The following ANKRD28 variants were observed in gnomAD, a reference collection of about 807,000 sequenced individuals.
The protein encoded by ANKRD28 is serine/threonine-protein phosphatase 6 regulatory ankyrin repeat subunit A.
A neutral mutation model predicts 126.5 loss-of-function variants in ANKRD28; 44 were observed. The ratio of observed to expected loss-of-function variants is 0.35; its 90% CI spans 0.27 to 0.45. The LOEUF (loss-of-function observed/expected upper bound fraction) is 0.45, where lower values mean the gene tolerates loss of function less well. Among genes scored for constraint, ANKRD28 ranks in the 20% least tolerant of loss-of-function variants. The pLI is 1.00. For synonymous variants in ANKRD28, 442 were observed against 468.5 expected (o/e 0.94, Z 0.73); for missense variants, 1,110 against 1,316.6 (o/e 0.84, Z 2.43).
Position 15,804,741 on chromosome 3 carries a change from G to C in ANKRD28, c.28-9435C>G, listed in dbSNP as rs193000688. 4.6e-4 allele frequency among the ~76,000 whole-genome samples: 67 copies of C among 145,308 alleles called. 9 individuals carry two copies. Among genetic ancestry groups the C allele is most frequent in the African/African-American group, 1.7e-3 (67 of 38,944 alleles). ...CCAAGTACAGATGACTGCTGGTGTG[G>C]AGGTTGTTAAATAGTTAAGTATGTT... On this transcript the variant is annotated intron_variant, in intron 1 of 27. Transcript: ENST00000399451.
chr3:15,777,823 G>T (rs2059354097), intron 2 of ANKRD28, among the ~76,000 whole-genome samples: 1 of 143,216 alleles, frequency 7.0e-6, no homozygotes. Context: ...CTGGACAGTT[G>T]ACTGCTCCCA....
intron 8 of ANKRD28, among the ~76,000 whole-genome samples, chr3:15,720,322 T>G (rs2073574845): frequency 6.6e-6 from 1 of 152,214 alleles, no homozygotes; most frequent in Non-Finnish European, 1.5e-5. Flanking sequence ...AACATCCATA[T>G]ACATACCATC....
At chr3:15,826,126 T>C (rs992211898) in intron 1 of ANKRD28, among the ~76,000 whole-genome samples, 2 of 152,206 alleles carry the variant, frequency 1.3e-5, no homozygotes, top group African/African-American at 4.8e-5. Flanking sequence ...ATACACATTA[T>C]ACTAGAATTT....
intron 2 of ANKRD28, among the ~76,000 whole-genome samples, chr3:15,769,098 C>T (rs6442551): frequency 0.72 from 110,194 of 152,070 alleles, 40,163 homozygotes; most frequent in East Asian, 0.93. Context: ...TTTAGTCAAA[C>T]TGAGAAACAT....
intron 4 of ANKRD28, among the ~76,000 whole-genome samples, chr3:15,749,432 G>A (rs1266300282): frequency 1.3e-5 from 2 of 152,236 alleles, no homozygotes; most frequent in African/African-American, 4.8e-5. Flanking sequence ...ATTTAAGTTG[G>A]ACTTCACTTT....
rs1402841081 is a variant in ANKRD28, at chr3:15,668,565, T to C, written c.*1705A>G. The C allele has an allele frequency of 6.6e-6, 1 of 152,552 alleles. No homozygotes were observed. The highest frequency in any genetic ancestry group is 1.5e-5 in the Non-Finnish European group (1 of 68,008). The allele number at this position is 152,552 out of a possible 1,614,324, so 9.4% of individuals were successfully genotyped here. A position where few individuals can be genotyped will look rare whatever the true frequency, so the allele number is the denominator to read the frequency against. On this transcript the variant is annotated 3_prime_UTR_variant, in exon 28 of 28. Transcript: ENST00000683139. ...GTCAATGCCCTAGAAACTTTATAGA[T>C]TTGTAGATAATATGCACAGATACAA...
intron 1 of ANKRD28, among the ~76,000 whole-genome samples, chr3:15,806,765 G>A (rs952236955): frequency 3.3e-5 from 5 of 151,980 alleles, no homozygotes; most frequent in Non-Finnish European, 7.4e-5. Flanking sequence ...CAGGTGATTC[G>A]CCCACCTCGG....
chr3:15,743,250 C>A (rs1030339657), intron 4 of ANKRD28, among the ~76,000 whole-genome samples: 1 of 152,108 alleles, frequency 6.6e-6, no homozygotes, highest in Non-Finnish European at 1.5e-5. Context: ...CCTAGGAAAA[C>A]CAGAGACCTT....
At chr3:15,774,465 G>A (rs928625587) in intron 2 of ANKRD28, among the ~76,000 whole-genome samples, 1 of 151,944 alleles carries the variant, frequency 6.6e-6, no homozygotes, top group African/African-American at 2.4e-5. Flanking sequence ...GGGACAATGT[G>A]GTACCTATTT....
At chr3:15,695,546 T>A (rs2069412840) in intron 15 of ANKRD28, among the ~76,000 whole-genome samples, 1 of 152,154 alleles carries the variant, frequency 6.6e-6, no homozygotes, top group Non-Finnish European at 1.5e-5. Flanking sequence ...AAGCAAAGTT[T>A]AATGTAATTT....
At chr3:15,798,215 C>A, upstream of ANKRD28, 1 of 966,704 alleles carries the variant, frequency 1.0e-6, no homozygotes, top group Non-Finnish European at 1.2e-6. Flanking sequence ...TTCCAAACGG[C>A]TTAACTGCTT....
At chr3:15,732,551 T>C (rs927017975) in intron 6 of ANKRD28, 3 of 152,248 alleles carry the variant, frequency 2.0e-5, no homozygotes, top group African/African-American at 2.4e-5. Context: ...GGAGAACATA[T>C]GGTATTGGTC....
chr3:15,779,779 C>T (rs564138430), intron 2 of ANKRD28, among the ~76,000 whole-genome samples: 198 of 152,284 alleles, frequency 1.3e-3, no homozygotes, highest in African/African-American at 4.5e-3. Context: ...AATCTAGACA[C>T]TGCTCTATAA....
In ANKRD28 at chr3:15,797,422, T is replaced by A; in HGVS notation, c.-901A>T. On this transcript the variant is annotated 5_prime_UTR_variant, in exon 1 of 28. Coordinates refer to ENST00000683139, the MANE Select transcript of ANKRD28 (RefSeq NM_001349278.2). The stretch of plus-strand genomic sequence containing the variant: ...ATTCTTTCTCCATCAGGCAGTTGTC[T>A]GTGGCTGCTCCAGCAAAAGGGCACA... 2.0e-6 allele frequency: 2 copies of A among 985,432 alleles called. No individual in the cohort carries two copies. The highest frequency in any genetic ancestry group is 2.4e-6 in the Non-Finnish European group (2 of 829,964). The allele number at this position is 985,432 out of a possible 1,614,324, so 61.0% of individuals were successfully genotyped here.
Position 15,766,391 on chromosome 3 carries a change from A to C in ANKRD28, c.202-79T>G, listed in dbSNP as rs562293283. The C allele has an allele frequency of 1.1e-4, 107 of 993,666 alleles. No individual in the cohort carries two copies. In the South Asian group the frequency reaches 1.6e-3, roughly 15 times the overall value. The allele number at this position is 993,666 out of a possible 1,614,324, so 61.6% of individuals were successfully genotyped here. The stretch of plus-strand genomic sequence containing the variant: ...TAATAGTTTTAATAACCACAACAAC[A>C]ACCCCTCCCCCCACCAAACCATTAT... On this transcript the variant is annotated intron_variant, in intron 2 of 27. Coordinates refer to ENST00000683139, the MANE Select transcript of ANKRD28 (RefSeq NM_001349278.2).
chr3:15,750,011 C>T (rs896119154), intron 4 of ANKRD28, among the ~76,000 whole-genome samples: 1 of 152,210 alleles, frequency 6.6e-6, no homozygotes, highest in Non-Finnish European at 1.5e-5. Context: ...GGATTATTTG[C>T]TTTCTAACCT....
At chr3:15,831,034 T>C (rs1159224479) in intron 1 of ANKRD28, among the ~76,000 whole-genome samples, 1 of 152,204 alleles carries the variant, frequency 6.6e-6, no homozygotes, top group East Asian at 1.9e-4. Flanking sequence ...GGAGAGGACA[T>C]CTGGAAGTTC....
intron 12 of ANKRD28, 27 bp downstream of exon 12, chr3:15,711,184 A>T: frequency 6.3e-7 from 1 of 1,581,310 alleles, no homozygotes; most frequent in Non-Finnish European, 8.6e-7. Context: ...ATCTTTTCTT[A>T]AAGAAATAAA....
At chr3:15,776,694 C>G (rs1321548109) in intron 2 of ANKRD28, among the ~76,000 whole-genome samples, 6 of 152,164 alleles carry the variant, frequency 3.9e-5, no homozygotes, top group Non-Finnish European at 1.5e-5. Flanking sequence ...GTTTTCTGAT[C>G]TGGGTCGTGG....
Sources: gnomAD v4.1 joint callset for allele counts (sites outside exome capture counted in the v4.1 genomes callset) on GRCh38, gnomAD v4.1.1 for gene constraint, MANE v1.5 for transcripts, NCBI Gene and HGNC (gene_info 2026-07-23, HGNC 2026-07-21) for gene names.